The following SUCLG1 variants were observed in gnomAD, a reference collection of about 807,000 sequenced individuals.
SUCLG1 encodes succinate-CoA ligase GDP/ADP-forming subunit alpha, also known as succinate--CoA ligase [ADP/GDP-forming] subunit alpha, mitochondrial.
A neutral mutation model predicts 37.3 loss-of-function variants in SUCLG1; 26 were observed. The ratio of observed to expected loss-of-function variants is 0.70; its 90% CI spans 0.51 to 0.97. The LOEUF (loss-of-function observed/expected upper bound fraction) is 0.97, where lower values mean the gene tolerates loss of function less well. Ranked by LOEUF, SUCLG1 falls within the 50% of genes least tolerant of loss-of-function variation. The pLI, the probability that SUCLG1 is intolerant of heterozygous loss-of-function variation, is 0.00. For synonymous variants in SUCLG1, 163 were observed against 155.6 expected (o/e 1.05, Z -0.36); for missense variants, 433 against 432.9 (o/e 1.00, Z 0.00).
rs181240452 is a variant in SUCLG1 at position 84,455,477 on chromosome 2, A to G, written c.97+3696T>C. ...CCATTGCACTCCAGCCTGAGCAATAAGAGCAAAACTCTGTCTCAAAAAAAA... is the reference window on the plus strand; with the variant it reads ...CCATTGCACTCCAGCCTGAGCAATAGGAGCAAAACTCTGTCTCAAAAAAAA... On this transcript the variant is annotated intron_variant, in intron 1 of 8. Coordinates refer to ENST00000393868, the MANE Select transcript of SUCLG1 (RefSeq NM_003849.4). Among the ~76,000 whole-genome samples the G allele has an allele frequency of 5.0e-4, 53 of 105,308 alleles. No homozygotes were observed. In the East Asian group the frequency reaches 0.015, roughly 29 times the overall value. The allele number at this position is 105,308 out of a possible 152,430, so 69.1% of individuals were successfully genotyped here.
intron 5 of SUCLG1, among the ~76,000 whole-genome samples, chr2:84,440,416 G>T (rs1056246139): frequency 4.6e-5 from 7 of 152,134 alleles, no homozygotes; most frequent in Non-Finnish European, 5.9e-5. Flanking sequence ...TGAAGATATG[G>T]AGCAAGTGGA....
chr2:84,454,091 A>G (rs936681452), intron 1 of SUCLG1, among the ~76,000 whole-genome samples: 2 of 152,182 alleles, frequency 1.3e-5, no homozygotes, highest in South Asian at 4.1e-4. Flanking sequence ...TCTCTGGTAC[A>G]CTCCCAAAAC....
chr2:84,448,520 CAAAAAAAAAAAA>C (rs59457991), intron 2 of SUCLG1, among the ~76,000 whole-genome samples: 4 of 125,160 alleles, frequency 3.2e-5, no homozygotes, highest in Non-Finnish European at 6.7e-5. Context: ...CTTAAATTAC[CAAAAAAAAAAAA>C]AAAAAAAAAA....
intron 7 of SUCLG1, chr2:84,426,610 T>A (rs1402699952): frequency 6.6e-6 from 1 of 151,518 alleles, no homozygotes; most frequent in Non-Finnish European, 1.5e-5. Flanking sequence ...GAGGTTGCAG[T>A]GAGCTGAGAT....
intron 5 of SUCLG1, 153 bp from the exon 6 acceptor site, chr2:84,433,588 A>C (rs1672642060): frequency 1.4e-6 from 1 of 693,114 alleles, no homozygotes; most frequent in African/African-American, 1.8e-5. Flanking sequence ...TCAAACGATG[A>C]AATGAAAAGG....
chr2:84,431,508 T>G lies in SUCLG1; in HGVS notation c.825A>C (p.Ser275=), dbSNP rs754998980. Residue 275 remains serine (S), a splice_region_variant and synonymous_variant, in exon 7 of 9, where the codon TCA becomes TCC. Transcript: ENST00000393868. ...NAAEFLKQHN[S]GPNSKPVVSF... is the part of the protein sequence containing the mutation. ...TATGTTTTTCCAAACCCAAACTTAC[T>G]GAATTATGTTGCTTCAAAAATTCTG... The G allele has an allele frequency of 6.2e-7, 1 of 1,613,990 alleles. No individual in the cohort carries two copies. The highest frequency in any genetic ancestry group is 8.5e-7 in the Non-Finnish European group (1 of 1,179,880).
intron 2 of SUCLG1, among the ~76,000 whole-genome samples, chr2:84,446,888 T>G (rs1672860228): frequency 6.6e-6 from 1 of 152,094 alleles, no homozygotes; most frequent in Admixed American, 6.5e-5. Context: ...CTACAGACAC[T>G]GAGAAGCACT....
At chr2:84,427,520 C>T (rs1398699222) in intron 7 of SUCLG1, among the ~76,000 whole-genome samples, 1 of 152,222 alleles carries the variant, frequency 6.6e-6, no homozygotes, top group Non-Finnish European at 1.5e-5. Context: ...AACAACAAAT[C>T]AGTTATCAGT....
chr2:84,442,547 C>A (rs1249999987), intron 3 of SUCLG1, among the ~76,000 whole-genome samples: 1 of 152,126 alleles, frequency 6.6e-6, no homozygotes, highest in Non-Finnish European at 1.5e-5. Flanking sequence ...TAAATTAGCT[C>A]CCTACAGAGG....
At chr2:84,435,883 C>T (rs1400891585) in intron 5 of SUCLG1, among the ~76,000 whole-genome samples, 6 of 152,198 alleles carry the variant, frequency 3.9e-5, no homozygotes, top group Non-Finnish European at 7.3e-5. Context: ...TAAACACTGC[C>T]ACTACTGTTT....
chr2:84,444,988 C>T (rs755129970), intron 2 of SUCLG1, among the ~76,000 whole-genome samples: 2 of 152,146 alleles, frequency 1.3e-5, no homozygotes, highest in Non-Finnish European at 2.9e-5. Context: ...TTCAAACACA[C>T]ATGCTCTACA....
At chr2:84,440,165 G>A (rs753753624) in intron 5 of SUCLG1, among the ~76,000 whole-genome samples, 8 of 152,220 alleles carry the variant, frequency 5.3e-5, no homozygotes, top group South Asian at 2.1e-4. Flanking sequence ...ACCTGAGGTC[G>A]GGAGTTCGAG....
rs767975978 is a variant in SUCLG1 at position 84,449,748 on chromosome 2, C to T, written c.102G>A (p.Pro34=). The T allele has an allele frequency of 3.2e-5, 39 of 1,227,052 alleles. No individual in the cohort carries two copies. Among genetic ancestry groups the T allele is most frequent in the African/African-American group, 2.5e-4 (14 of 56,344 alleles). 76.0% of individuals were successfully genotyped at this position (1,227,052 alleles called of 1,614,324 possible). A position where few individuals can be genotyped will look rare whatever the true frequency, so the allele number is the denominator to read the frequency against. Residue 34 remains proline (P), a synonymous_variant, in exon 2 of 9, where the codon CCG becomes CCA. Transcript: ENST00000393868. ...AGGAACAATGCCGAATTCCATTCTG[C>T]GGCACTAAGAGGTTAAAAAAAAAAA... ...ARLLSRSFLL[P]QNGIRHCSYT... is the part of the protein sequence containing the mutation.
intron 5 of SUCLG1, 122 bp from the exon 6 acceptor site, chr2:84,433,557 C>A: frequency 1.2e-6 from 1 of 809,354 alleles, no homozygotes; most frequent in South Asian, 1.5e-5. Flanking sequence ...CCATGATTTG[C>A]CATCAAAATC....
chr2:84,448,406 C>T (rs1008660317), intron 2 of SUCLG1, among the ~76,000 whole-genome samples: 1 of 150,830 alleles, frequency 6.6e-6, no homozygotes, highest in African/African-American at 2.4e-5. Context: ...AATATGTTTA[C>T]AATCTGGCCT....
At chr2:84,428,957 G>T (rs1381626258) in intron 7 of SUCLG1, among the ~76,000 whole-genome samples, 1 of 152,124 alleles carries the variant, frequency 6.6e-6, no homozygotes, top group Non-Finnish European at 1.5e-5. Context: ...TAATCTTCCT[G>T]TACCAGTTTT....
chr2:84,441,011 C>T (rs1398047753), intron 5 of SUCLG1, 36 bp downstream of exon 5: 12 of 1,603,880 alleles, frequency 7.5e-6, no homozygotes, highest in South Asian at 2.2e-5. Context: ...AGGCAAATAA[C>T]GTTTTAATCT....
chr2:84,443,629 G>A (rs1231654943), intron 2 of SUCLG1, among the ~76,000 whole-genome samples: 1 of 152,030 alleles, frequency 6.6e-6, no homozygotes, highest in Non-Finnish European at 1.5e-5. Flanking sequence ...AAACTTGGCT[G>A]ATAACCAGAA....
chr2:84,452,764 C>T (rs1166829452), intron 1 of SUCLG1, among the ~76,000 whole-genome samples: 9 of 152,198 alleles, frequency 5.9e-5, no homozygotes, highest in Admixed American at 5.9e-4. Context: ...CCATGTCTTA[C>T]TCATCTTGTC....
Sources: allele counts gnomAD v4.1 joint callset (sites outside exome capture counted in the v4.1 genomes callset), GRCh38; gene constraint gnomAD v4.1.1; transcripts MANE v1.5; gene names NCBI Gene and HGNC (gene_info 2026-07-23, HGNC 2026-07-21).